Variants in IFIT1 observed in about 807,000 individuals in gnomAD.
IFIT1 encodes the protein antiviral innate immune response effector IFIT1.
In IFIT1, 1 loss-of-function variant was observed where a neutral mutation model predicts 2.5. That is an observed-to-expected ratio of 0.40 (90% CI 0.14 to 1.92). The LOEUF (loss-of-function observed/expected upper bound fraction) is 1.92, where lower values mean the gene tolerates loss of function less well. Ranked by LOEUF, IFIT1 falls within the 40% of genes most tolerant of loss-of-function variation. The pLI, the probability that IFIT1 is intolerant of heterozygous loss-of-function variation, is 0.31. For missense variants in IFIT1, 508 were observed against 557.8 expected (o/e 0.91, Z 0.90); for synonymous variants, 191 against 201.7 (o/e 0.95, Z 0.45).
intron 1 of IFIT1, chr10:89,393,111 T>C (rs1256159089): frequency 2.0e-5 from 26 of 1,295,640 alleles, no homozygotes; most frequent in Non-Finnish European, 2.6e-5. Flanking sequence ...CTGCAGGTTC[T>C]TTACCACAGA....
chr10:89,398,056 T>G (rs1844370266), intron 1 of IFIT1, among the ~76,000 whole-genome samples: 1 of 152,194 alleles, frequency 6.6e-6, no homozygotes, highest in Non-Finnish European at 1.5e-5. Context: ...TCTGTACTCA[T>G]TAAACAATCA....
rs572562787 is a variant in IFIT1 at position 89,396,385 on chromosome 10, TCTC to T, written c.5+3669_5+3671del. Among the ~76,000 whole-genome samples, 173 of 152,346 alleles carry T rather than the reference TCTC, an allele frequency of 1.1e-3. 1 individual carries two copies. The highest frequency in any genetic ancestry group is 3.9e-3 in the African/African-American group (164 of 41,570). On this transcript the variant is annotated intron_variant, in intron 1 of 1. Transcript: ENST00000371804. ...TACAAGAAGTATGGTGCTGGCATCTTCTCAGCTTCTGGTGAGGGCTTTGGTGCT... is the reference window on the plus strand; with the variant it reads ...TACAAGAAGTATGGTGCTGGCATCTTAGCTTCTGGTGAGGGCTTTGGTGCT...
chr10:89,394,137 T>C lies in IFIT1; in HGVS notation c.5+1420T>C, dbSNP rs565519260. Among the ~76,000 whole-genome samples, 110 of 152,314 alleles carry C rather than the reference T, an allele frequency of 7.2e-4. 1 individual carries two copies. The highest frequency in any genetic ancestry group is 1.3e-3 in the Non-Finnish European group (88 of 68,030). On this transcript the variant is annotated intron_variant, in intron 1 of 1. Transcript: ENST00000371804. ...ATCAAACCTAGACGGTATAGCCTAC[T>C]ACACACCTAGGCTATAAACCTGTGC... is the stretch of plus-strand genomic sequence containing the variant.
intron 1 of IFIT1, among the ~76,000 whole-genome samples, chr10:89,395,844 C>T (rs1317224808): frequency 6.6e-6 from 1 of 151,946 alleles, no homozygotes; most frequent in Non-Finnish European, 1.5e-5. Context: ...CAACAGTGAC[C>T]TTTTGGATCA....
chr10:89,403,221 G>A lies in IFIT1; in HGVS notation c.946G>A (p.Glu316Lys). The change falls in exon 2 of 2, where the codon GAA becomes AAA. Residue 316 changes from glutamate to lysine, a missense_variant. Transcript: ENST00000371804. ...AGGGCAGCCTAGAGGGCAGAACAGA[G>A]AAAAGCTAGACAAAATGATAAGATC... ...TKGQPRGQNR[E>K]KLDKMIRSAI... 1.2e-6 allele frequency: 2 copies of A among 1,614,146 alleles called. No homozygotes were observed. Among genetic ancestry groups the A allele is most frequent in the Middle Eastern group, 1.6e-4 (1 of 6,062 alleles).
chr10:89,394,846 G>A (rs1844318664), intron 1 of IFIT1, among the ~76,000 whole-genome samples: 1 of 151,676 alleles, frequency 6.6e-6, no homozygotes, highest in South Asian at 2.1e-4. Context: ...CTCCCTACTT[G>A]CCTCTTTCCC....
rs777338890 is a variant in IFIT1, at chr10:89,402,797, C to T, written c.522C>T (p.Asn174=). ...FEKVLEVDPE[N]PESSAGYAIS... ...AGGTGCTTGAAGTGGACCCTGAAAA[C>T]CCTGAATCCAGCGCTGGGTATGCGA... is the stretch of plus-strand genomic sequence containing the variant. The change falls in exon 2 of 2, where the codon AAC becomes AAT. Residue 174 remains asparagine (N), a synonymous_variant. Transcript: ENST00000371804. 2 of 1,614,188 alleles carry T rather than the reference C, an allele frequency of 1.2e-6. No individual in the cohort carries two copies. The highest frequency in any genetic ancestry group is 1.7e-6 in the Non-Finnish European group (2 of 1,180,038).
chr10:89,402,926 A>C lies in IFIT1; in HGVS notation c.651A>C (p.Gly217=). ...RQAVRLNPDN[G]YIKVLLALKL... ...CTGTCCGCTTAAATCCAGACAATGG[A>C]TATATTAAGGTTCTCCTTGCCCTGA... is the stretch of plus-strand genomic sequence containing the variant. Residue 217 remains glycine (G), a synonymous_variant, in exon 2 of 2, where the codon GGA becomes GGC. Coordinates refer to ENST00000371804, the MANE Select transcript of IFIT1 (RefSeq NM_001548.5). 4 of 1,614,148 alleles carry C rather than the reference A, an allele frequency of 2.5e-6. No homozygotes were observed. The highest frequency in any genetic ancestry group is 3.4e-6 in the Non-Finnish European group (4 of 1,180,020).
At position 89,403,005 on chromosome 10, in the gene IFIT1, C is replaced by G. The variant is rs772301237; in HGVS notation, c.730C>G (p.Leu244Val). ...AGGAGAAAAGTACATTGAAGAAGCT[C>G]TAGCCAACATGTCCTCACAGACCTA... ...AEGEKYIEEALANMSSQTYVF... is the reference protein window; with the variant it reads ...AEGEKYIEEAVANMSSQTYVF... Residue 244 changes from leucine (L) to valine (V), a missense_variant, in exon 2 of 2, where the codon CTA (leucine) becomes GTA (valine). By Grantham distance (32) the Leu-to-Val change is conservative. Transcript: ENST00000371804. The G allele has an allele frequency of 1.7e-5, 27 of 1,614,096 alleles. No homozygotes were observed. Among genetic ancestry groups the G allele is most frequent in the Non-Finnish European group, 2.0e-5 (24 of 1,180,042 alleles).
intron 1 of IFIT1, chr10:89,393,318 C>T: frequency 4.7e-6 from 6 of 1,285,818 alleles, no homozygotes; most frequent in Non-Finnish European, 6.1e-6. Context: ...AGATTGCCTC[C>T]TCCCTGGAAA....
rs1204332548 is a variant in IFIT1 at position 89,403,150 on chromosome 10, GGCTTT to G, written c.879_883del (p.Cys294GlnfsTer16). ...TCTGTCTTACTGCATCACCAGATAG[GGCTTT>G]GCTACAAGGCACAAATGATCCAAAT... On this transcript the variant is annotated frameshift_variant, in exon 2 of 2. Coordinates refer to ENST00000371804, the MANE Select transcript of IFIT1 (RefSeq NM_001548.5). LOFTEE classifies it low-confidence loss of function (END_TRUNC). The G allele has an allele frequency of 4.3e-6, 7 of 1,613,956 alleles. No homozygotes were observed. Among genetic ancestry groups the G allele is most frequent in the Non-Finnish European group, 5.9e-6 (7 of 1,179,928 alleles).
intron 1 of IFIT1, among the ~76,000 whole-genome samples, chr10:89,399,547 T>C (rs1844391593): frequency 1.3e-5 from 2 of 152,222 alleles, no homozygotes. Context: ...TTAATTTTTG[T>C]ATATGGCATA....
chr10:89,402,258 A>G (rs1480073102), intron 1 of IFIT1, 23 bp from the exon 2 acceptor site: 1 of 1,511,654 alleles, frequency 6.6e-7, no homozygotes, highest in Non-Finnish European at 9.0e-7. Flanking sequence ...CCTAACAAAG[A>G]AAATCTGTTT....
chr10:89,394,126 G>A (rs1269845371), intron 1 of IFIT1, among the ~76,000 whole-genome samples: 1 of 151,682 alleles, frequency 6.6e-6, no homozygotes, highest in African/African-American at 2.4e-5. Context: ...AACCTAGACG[G>A]TATAGCCTAC....
In IFIT1 at chr10:89,406,033, AG is replaced by A. The variant is rs1369838655; in HGVS notation, c.*2323del. On this transcript the variant is annotated 3_prime_UTR_variant, in exon 2 of 2. Coordinates refer to ENST00000371804, the MANE Select transcript of IFIT1 (RefSeq NM_001548.5). Reference sequence around the variant, plus strand: ...TTTCATCCATTGCCCTTAAGAAGGTAGGACAGAGATTATGGCACATCTCACA... The same window carrying A: ...TTTCATCCATTGCCCTTAAGAAGGTAGACAGAGATTATGGCACATCTCACA... The A allele has an allele frequency of 6.6e-6, 1 of 152,276 alleles. No homozygotes were observed. Among genetic ancestry groups the A allele is most frequent in the African/African-American group, 2.4e-5 (1 of 41,474 alleles). 9.4% of individuals were successfully genotyped at this position (152,276 alleles called of 1,614,324 possible). A position where few individuals can be genotyped will look rare whatever the true frequency, so the allele number is the denominator to read the frequency against.
At chr10:89,395,434 C>T (rs184586816) in intron 1 of IFIT1, among the ~76,000 whole-genome samples, 2 of 152,316 alleles carry the variant, frequency 1.3e-5, no homozygotes, top group African/African-American at 4.8e-5. Context: ...ACCCTCTTCT[C>T]TCTGGATCTG....
chr10:89,395,725 T>C (rs895727917), intron 1 of IFIT1, among the ~76,000 whole-genome samples: 1 of 152,126 alleles, frequency 6.6e-6, no homozygotes, highest in Non-Finnish European at 1.5e-5. Flanking sequence ...GAAAGGCACA[T>C]TGTAAATATC....
intron 1 of IFIT1, 51 bp downstream of exon 1, chr10:89,392,768 T>A (rs528041973): frequency 1.3e-6 from 2 of 1,592,594 alleles, no homozygotes; most frequent in East Asian, 2.2e-5. Flanking sequence ...TTTGAAAAAA[T>A]GGTAATTAAA....
chr10:89,395,489 A>G (rs972752173), intron 1 of IFIT1, among the ~76,000 whole-genome samples: 2 of 151,962 alleles, frequency 1.3e-5, no homozygotes, highest in African/African-American at 4.8e-5. Flanking sequence ...ATTTTTTTCA[A>G]TTGCCTCCTT....
Sources: allele counts gnomAD v4.1 joint callset (sites outside exome capture counted in the v4.1 genomes callset), GRCh38; gene constraint gnomAD v4.1.1; transcripts MANE v1.5; gene names NCBI Gene and HGNC (gene_info 2026-07-23, HGNC 2026-07-21).